Variants in TMC4 observed in about 807,000 individuals in gnomAD.
TMC4 encodes transmembrane channel like 4, also known as voltage-gated chloride channel TMC4.
A neutral mutation model predicts 82.0 loss-of-function variants in TMC4; 70 were observed. The observed-to-expected ratio is 0.85, with a 90% confidence interval of 0.70 to 1.04. TMC4 has a LOEUF of 1.04. TMC4 is among the 50% of genes least tolerant of loss of function. The pLI, the probability that TMC4 is intolerant of heterozygous loss-of-function variation, is 0.00. For synonymous variants in TMC4, 446 were observed against 406.0 expected (o/e 1.10, Z -1.18); for missense variants, 879 against 899.0 (o/e 0.98, Z 0.28).
intron 5 of TMC4, among the ~76,000 whole-genome samples, chr19:54,166,690 A>G (rs1364936677): frequency 6.6e-6 from 1 of 152,116 alleles, no homozygotes; most frequent in Non-Finnish European, 1.5e-5. Flanking sequence ...GTGGTGGCTC[A>G]CGCCTGTAAT....
Position 54,160,242 on chromosome 19 carries a change from C to T in TMC4, c.*64G>A. 1.4e-6 allele frequency: 2 copies of T among 1,468,202 alleles called. No homozygotes were observed. Among genetic ancestry groups the T allele is most frequent in the Non-Finnish European group, 1.8e-6 (2 of 1,101,858 alleles). 90.9% of individuals were successfully genotyped at this position (1,468,202 alleles called of 1,614,324 possible). A position where few individuals can be genotyped will look rare whatever the true frequency, so the allele number is the denominator to read the frequency against. On this transcript the variant is annotated 3_prime_UTR_variant, in exon 15 of 15. Coordinates refer to ENST00000619895, the MANE Select transcript of TMC4 (RefSeq NM_144686.4). ...AGTCTTCTCCAGTTCTCCTAGTTTACAGATGTTGTGACCTAGGCTTACAAT... is the reference window on the plus strand; with the variant it reads ...AGTCTTCTCCAGTTCTCCTAGTTTATAGATGTTGTGACCTAGGCTTACAAT...
At chr19:54,165,345 T>A in intron 6 of TMC4, 74 bp downstream of exon 6, 1 of 1,461,862 alleles carries the variant, frequency 6.8e-7, no homozygotes, top group Non-Finnish European at 9.2e-7. Context: ...ATCACCGAGT[T>A]AGGCCCTGTG....
Position 54,160,972 on chromosome 19 carries a change from G to A in TMC4, c.1879C>T (p.Pro627Ser). The A allele has an allele frequency of 6.2e-7, 1 of 1,614,188 alleles. No individual in the cohort carries two copies. The highest frequency in any genetic ancestry group is 8.5e-7 in the Non-Finnish European group (1 of 1,180,028). The change falls in exon 13 of 15, where the codon CCT becomes TCT. Residue 627 changes from proline to serine, a missense_variant. Pro to Ser is a moderately conservative substitution (Grantham distance 74). Coordinates refer to ENST00000619895, the MANE Select transcript of TMC4 (RefSeq NM_144686.4). ...TCAGGGAGGCTGGAAATAGACTCAG[G>A]GATCTGGGCCCAGATGGACGACTGC... is the stretch of plus-strand genomic sequence containing the variant. ...RGQSSIWAQI[P>S]ESISSLPETT...
intron 5 of TMC4, among the ~76,000 whole-genome samples, chr19:54,165,837 G>A (rs1252846788): frequency 6.6e-6 from 1 of 152,190 alleles, no homozygotes; most frequent in East Asian, 1.9e-4. Context: ...GCCTCGGAGC[G>A]AAGGGGGCAG....
intron 5 of TMC4, 108 bp downstream of exon 5, chr19:54,168,063 C>CAAA: frequency 9.6e-7 from 1 of 1,046,756 alleles, no homozygotes; most frequent in Non-Finnish European, 1.3e-6. Flanking sequence ...AACTCCGTCT[C>CAAA]AAAAAAAAAA....
intron 1 of TMC4, 63 bp downstream of exon 1, chr19:54,172,976 C>G: frequency 6.8e-7 from 1 of 1,468,052 alleles, no homozygotes; most frequent in Non-Finnish European, 9.4e-7. Flanking sequence ...CTTTCCTCCT[C>G]CAGCAGGACT....
intron 9 of TMC4, 129 bp downstream of exon 9, chr19:54,162,904 T>G: frequency 6.4e-7 from 1 of 1,556,746 alleles, no homozygotes; most frequent in African/African-American, 1.4e-5. Context: ...TTTCAAACTT[T>G]CATACCCTTG....
In TMC4 at chr19:54,162,909, C is replaced by A. The variant is rs2075602987; in HGVS notation, c.1404+124G>T. 1.9e-6 allele frequency: 3 copies of A among 1,560,432 alleles called. No individual in the cohort carries two copies. The South Asian group carries it at 3.4e-5, about 18-fold the overall frequency. ...GGTCCTCGTTTTTCAAACTTTCATA[C>A]CCTTGGGAGAGTGTTCCAGCACCCC... On this transcript the variant is annotated intron_variant, in intron 9 of 14. Coordinates refer to ENST00000619895, the MANE Select transcript of TMC4 (RefSeq NM_144686.4).
At chr19:54,163,974 CTTCTT>C in intron 7 of TMC4, 87 bp from the exon 8 acceptor site, 7 of 1,079,758 alleles carry the variant, frequency 6.5e-6, no homozygotes, top group East Asian at 2.9e-5. Context: ...TCTTCTTCTT[CTTCTT>C]TTTTTTTTTT....
Position 54,169,645 on chromosome 19 carries a change from G to C in TMC4, c.309C>G (p.Ser103Arg), listed in dbSNP as rs993149707. The C allele has an allele frequency of 1.6e-5, 26 of 1,613,410 alleles. No individual in the cohort carries two copies. The highest frequency in any genetic ancestry group is 2.2e-5 in the Non-Finnish European group (26 of 1,179,902). The change falls in exon 3 of 15, where the codon AGC becomes AGG. Residue 103 changes from serine to arginine, a missense_variant. Coordinates refer to ENST00000619895, the MANE Select transcript of TMC4 (RefSeq NM_144686.4). Reference sequence around the variant, plus strand: ...CAGAGCCATAGACCACCTGGTCCCTGCTGGCATTTCTTTGCCTGGGAGGGA... The same window carrying C: ...CAGAGCCATAGACCACCTGGTCCCTCCTGGCATTTCTTTGCCTGGGAGGGA... ...ARRAHRQRNA[S>R]RDQVVYGSGT...
Position 54,168,770 on chromosome 19 carries a change from CCTTT to C in TMC4, c.443-94_443-91del, listed in dbSNP as rs908852759. ...CTGGACTGGGGTCCAGCCGCGCCTT[CCTTT>C]CTTTCTTTCTTTTCTTTTCTTTCTT... On this transcript the variant is annotated intron_variant, in intron 3 of 14. Transcript: ENST00000619895. 4.8e-4 allele frequency: 250 copies of C among 521,890 alleles called. 43 individuals carry two copies. Among genetic ancestry groups the C allele is most frequent in the South Asian group, 1.5e-3 (21 of 13,762 alleles). The allele number at this position is 521,890 out of a possible 1,614,324, so 32.3% of individuals were successfully genotyped here.
intron 3 of TMC4, 96 bp downstream of exon 3, chr19:54,169,415 TC>T (rs2075827916): frequency 2.0e-5 from 26 of 1,332,016 alleles, no homozygotes; most frequent in Non-Finnish European, 2.4e-5. Context: ...CCCAAGCCCC[TC>T]CTCCCTCAAA....
Position 54,168,972 on chromosome 19 carries a change from TTCTC to T in TMC4, c.443-296_443-293del, listed in dbSNP as rs202088479. Among the ~76,000 whole-genome samples the T allele has an allele frequency of 3.0e-3, 68 of 22,394 alleles. 18 individuals carry two copies. The highest frequency in any genetic ancestry group is 5.0e-3 in the Admixed American group (8 of 1,590). The allele number at this position is 22,394 out of a possible 152,430, so 14.7% of individuals were successfully genotyped here. A position where few individuals can be genotyped will look rare whatever the true frequency, so the allele number is the denominator to read the frequency against. ...CCTTCCTTCCTTCCTTCCTTCTTCTTTCTCTCTCTCTCTCTCTCTCTCTATATAT... is the reference window on the plus strand; with the variant it reads ...CCTTCCTTCCTTCCTTCCTTCTTCTTTCTCTCTCTCTCTCTCTCTATATAT... On this transcript the variant is annotated intron_variant, in intron 3 of 14. Transcript: ENST00000619895.
intron 5 of TMC4, among the ~76,000 whole-genome samples, chr19:54,166,041 GAGA>G (rs1199096594): frequency 1.3e-5 from 2 of 152,154 alleles, no homozygotes; most frequent in African/African-American, 2.4e-5. Context: ...GGGAAGAGCC[GAGA>G]AGAAGACAGA....
In TMC4 at chr19:54,163,025, G is replaced by T. The variant is rs1283405426; in HGVS notation, c.1404+8C>A. 6.2e-7 allele frequency: 1 copy of T among 1,614,088 alleles called. No individual in the cohort carries two copies. ...CAAGAGTCCCACGCACACCCATGCC[G>T]TTCTCACCGGAAGTTGTTTGTAATT... is the stretch of plus-strand genomic sequence containing the variant. On this transcript the variant is annotated splice_region_variant and intron_variant, in intron 9 of 14. Coordinates refer to ENST00000619895, the MANE Select transcript of TMC4 (RefSeq NM_144686.4).
chr19:54,160,150 CG>C lies in TMC4; in HGVS notation c.*155del, dbSNP rs2075500410. The C allele has an allele frequency of 3.7e-6, 3 of 805,416 alleles. No homozygotes were observed. The Admixed American group carries it at 8.9e-5, about 24-fold the overall frequency. The allele number at this position is 805,416 out of a possible 1,614,324, so 49.9% of individuals were successfully genotyped here. A position where few individuals can be genotyped will look rare whatever the true frequency, so the allele number is the denominator to read the frequency against. On this transcript the variant is annotated 3_prime_UTR_variant, in exon 15 of 15. Transcript: ENST00000619895. ...ATTTATTGATACAAGGAAGATCACC[CG>C]AGAGTCAGGGACGTGGCGGCGAGGG...
intron 8 of TMC4, 110 bp downstream of exon 8, chr19:54,163,614 A>G: frequency 7.4e-7 from 1 of 1,342,328 alleles, no homozygotes; most frequent in Admixed American, 1.7e-5. Context: ...CAGGATTTGA[A>G]TCCCTGGATT....
Position 54,171,934 on chromosome 19 carries a change from C to T in TMC4, c.229G>A (p.Glu77Lys). The change falls in exon 2 of 15, where the codon GAG (glutamate) becomes AAG (lysine). Residue 77 changes from glutamate to lysine, a missense_variant. Coordinates refer to ENST00000619895, the MANE Select transcript of TMC4 (RefSeq NM_144686.4). ...CGGGAAGGGTGAGGGTCCTGCAGCTCTGTCTGGGTGACTTCTGTGAAGGCC... is the reference window on the plus strand; with the variant it reads ...CGGGAAGGGTGAGGGTCCTGCAGCTTTGTCTGGGTGACTTCTGTGAAGGCC... ...RKAFTEVTQT[E>K]LQDPHPSREL... is the part of the protein sequence containing the mutation. 1 of 1,613,718 alleles carries T rather than the reference C, an allele frequency of 6.2e-7. No individual in the cohort carries two copies. The highest frequency in any genetic ancestry group is 8.5e-7 in the Non-Finnish European group (1 of 1,179,764).
At position 54,163,867 on chromosome 19, in the gene TMC4, C is replaced by A; in HGVS notation, c.1134G>T (p.Glu378Asp). 1 of 1,614,084 alleles carries A rather than the reference C, an allele frequency of 6.2e-7. No individual in the cohort carries two copies. Among genetic ancestry groups the A allele is most frequent in the South Asian group, 1.1e-5 (1 of 91,076 alleles). Residue 378 changes from glutamate (E) to aspartate (D), a missense_variant, in exon 8 of 15, where the codon GAG becomes GAT. Transcript: ENST00000619895. ...TCACCCCAAGCTTCAGCAGTGGCAA[C>A]TCCTGGACAAGGGGCATCTCCTGGG... is the stretch of plus-strand genomic sequence containing the variant. ...VELQEMPLVQELPLLKLGVNY... is the reference protein window; with the variant it reads ...VELQEMPLVQDLPLLKLGVNY...
Sources: gnomAD v4.1 joint callset for allele counts (sites outside exome capture counted in the v4.1 genomes callset) on GRCh38, gnomAD v4.1.1 for gene constraint, MANE v1.5 for transcripts, NCBI Gene and HGNC (gene_info 2026-07-23, HGNC 2026-07-21) for gene names.